CTNNA3: variants seen among roughly 807,000 people sequenced by gnomAD.
The protein encoded by CTNNA3 is catenin alpha 3.
In CTNNA3, 76 loss-of-function variants were observed where a neutral mutation model predicts 95.7. That is an observed-to-expected ratio of 0.79 (90% confidence interval 0.66 to 0.96). The LOEUF (loss-of-function observed/expected upper bound fraction) is 0.96, where lower values mean the gene tolerates loss of function less well. Among genes scored for constraint, CTNNA3 ranks in the 40% least tolerant of loss-of-function variants. CTNNA3 has a pLI of 0.00. For missense variants in CTNNA3, 1,191 were observed against 1,089.8 expected, an observed-to-expected ratio of 1.09 and a Z score of -1.31; for synonymous variants, 431 against 374.4, an observed-to-expected ratio of 1.15 and a Z score of -1.74.
At chr10:66,713,313 T>C (rs1213374505) in intron 9 of CTNNA3, among the ~76,000 whole-genome samples, 1 of 152,172 alleles carries the variant, frequency 6.6e-6, no homozygotes, top group African/African-American at 2.4e-5. Context: ...CTAATCACTG[T>C]GGCTTCATTC....
At chr10:65,933,077 G>A (rs1209241646) in intron 17 of CTNNA3, among the ~76,000 whole-genome samples, 1 of 151,964 alleles carries the variant, frequency 6.6e-6, no homozygotes, top group Non-Finnish European at 1.5e-5. Context: ...TAGATTCCCT[G>A]GGTTTTGTCT....
At chr10:67,532,018 C>T (rs1840344216) in intron 4 of CTNNA3, among the ~76,000 whole-genome samples, 1 of 151,984 alleles carries the variant, frequency 6.6e-6, no homozygotes, top group African/African-American at 2.4e-5. Flanking sequence ...GTGAGGCCTC[C>T]CCTCACAATC....
chr10:65,953,029 T>G (rs2077650718), intron 17 of CTNNA3, among the ~76,000 whole-genome samples: 1 of 152,214 alleles, frequency 6.6e-6, no homozygotes, highest in Admixed American at 6.5e-5. Context: ...AAGGGTAATT[T>G]TAAGAGTTTA....
chr10:66,853,255 G>A (rs780899106), intron 7 of CTNNA3, among the ~76,000 whole-genome samples: 17 of 151,960 alleles, frequency 1.1e-4, no homozygotes, highest in South Asian at 2.1e-4. Flanking sequence ...GAGAGTATAT[G>A]GCTCACAAAG....
intron 11 of CTNNA3, among the ~76,000 whole-genome samples, chr10:66,477,946 C>T (rs1839385335): frequency 6.6e-6 from 1 of 152,018 alleles, no homozygotes; most frequent in Non-Finnish European, 1.5e-5. Context: ...ATTTTGAATG[C>T]CTTCAAGACT....
chr10:66,640,565 C>T (rs1050536739), intron 9 of CTNNA3, among the ~76,000 whole-genome samples: 4 of 152,148 alleles, frequency 2.6e-5, no homozygotes, highest in African/African-American at 9.7e-5. Flanking sequence ...CTGAAGATTA[C>T]TCCCCAGTAA....
At chr10:67,478,635 T>C (rs972224752) in intron 5 of CTNNA3, among the ~76,000 whole-genome samples, 7 of 152,082 alleles carry the variant, frequency 4.6e-5, no homozygotes, top group Non-Finnish European at 1.0e-4. Context: ...AAGGGAGTCT[T>C]AAACATGGAA....
chr10:66,211,808 T>C (rs575167883), intron 13 of CTNNA3, among the ~76,000 whole-genome samples: 4 of 152,048 alleles, frequency 2.6e-5, no homozygotes, highest in African/African-American at 7.2e-5. Context: ...CACAACAGAG[T>C]TGCAATCGGA....
At chr10:66,435,588 G>A (rs1373799505) in intron 11 of CTNNA3, among the ~76,000 whole-genome samples, 3 of 151,926 alleles carry the variant, frequency 2.0e-5, no homozygotes, top group Non-Finnish European at 4.4e-5. Flanking sequence ...TATTAGTCTG[G>A]CTAGTGGTCT....
intron 5 of CTNNA3, among the ~76,000 whole-genome samples, chr10:67,373,204 A>T (rs554332800): frequency 3.5e-4 from 53 of 152,342 alleles, no homozygotes; most frequent in Non-Finnish European, 6.6e-4. Context: ...GTCAAGACCC[A>T]TCAGAGTGCT....
chr10:67,593,959 T>TA (rs1343829467), intron 3 of CTNNA3, among the ~76,000 whole-genome samples: 1 of 152,222 alleles, frequency 6.6e-6, no homozygotes, highest in Non-Finnish European at 1.5e-5. Context: ...TGAGGGTTTT[T>TA]AAACTGAAAG....
intron 3 of CTNNA3, among the ~76,000 whole-genome samples, chr10:67,560,018 A>G (rs1407948017): frequency 1.3e-5 from 2 of 152,216 alleles, no homozygotes; most frequent in Non-Finnish European, 2.9e-5. Context: ...TGATTGGTGT[A>G]CCTGAAAGTG....
intron 10 of CTNNA3, among the ~76,000 whole-genome samples, chr10:66,601,746 AAAT>A (rs1409623887): frequency 3.9e-5 from 6 of 151,910 alleles, no homozygotes; most frequent in Non-Finnish European, 8.8e-5. Flanking sequence ...TAGGATGAAA[AAAT>A]AATGACTATT....
chr10:67,470,410 A>T (rs960466833), intron 5 of CTNNA3, among the ~76,000 whole-genome samples: 6 of 152,208 alleles, frequency 3.9e-5, no homozygotes, highest in African/African-American at 1.4e-4. Flanking sequence ...CAATAAAAAT[A>T]AGAGTACAGA....
chr10:66,818,983 A>G (rs943567271), intron 7 of CTNNA3, among the ~76,000 whole-genome samples: 1 of 151,518 alleles, frequency 6.6e-6, no homozygotes, highest in Non-Finnish European at 1.5e-5. Context: ...CCAGCTACTC[A>G]GGAGGCTGAG....
At chr10:66,189,324 T>C (rs2086525658) in intron 13 of CTNNA3, among the ~76,000 whole-genome samples, 3 of 146,346 alleles carry the variant, frequency 2.0e-5, no homozygotes, top group Non-Finnish European at 4.7e-5. Context: ...GCATTTCCTC[T>C]TTTCTCTAGG....
chr10:66,618,207 C>G (rs1844597533), intron 10 of CTNNA3, among the ~76,000 whole-genome samples: 1 of 151,788 alleles, frequency 6.6e-6, no homozygotes, highest in African/African-American at 2.4e-5. Flanking sequence ...TTGGAAAAAA[C>G]TACTTTAAAG....
intron 6 of CTNNA3, among the ~76,000 whole-genome samples, chr10:67,213,993 T>C (rs1336659179): frequency 6.6e-6 from 1 of 151,846 alleles, no homozygotes; most frequent in African/African-American, 2.4e-5. Flanking sequence ...TTTTATCCTT[T>C]GACTTTCAAA....
At chr10:67,561,033 A>G (rs1841489876) in intron 3 of CTNNA3, among the ~76,000 whole-genome samples, 2 of 149,578 alleles carry the variant, frequency 1.3e-5, no homozygotes, top group Admixed American at 6.6e-5. Flanking sequence ...CCACACAATA[A>G]TAATGGGAGA....
Sources: allele counts gnomAD v4.1 joint callset (sites outside exome capture counted in the v4.1 genomes callset), GRCh38; gene constraint gnomAD v4.1.1; transcripts MANE v1.5; gene names NCBI Gene and HGNC (gene_info 2026-07-23, HGNC 2026-07-21).